Variants in DDX4 observed in about 807,000 individuals in gnomAD.
The protein encoded by DDX4 is probable ATP-dependent RNA helicase DDX4.
Under a neutral mutation model 100.0 loss-of-function variants are expected in DDX4, and 25 were observed. The observed-to-expected ratio is 0.25, with a 90% CI of 0.18 to 0.35. The LOEUF (loss-of-function observed/expected upper bound fraction) is 0.35. Ranked by LOEUF, DDX4 falls within the 10% of genes least tolerant of loss-of-function variation. The pLI is 1.00. For missense variants in DDX4, 635 were observed against 882.4 expected (o/e 0.72, Z 3.55); for synonymous variants, 259 against 275.7 (o/e 0.94, Z 0.60).
chr5:55,755,492 C>T (rs140686734), intron 3 of DDX4, among the ~76,000 whole-genome samples: 28 of 152,162 alleles, frequency 1.8e-4, no homozygotes, highest in Non-Finnish European at 3.2e-4. Flanking sequence ...CTAAGCCTTA[C>T]GTGACTCTTT....
At chr5:55,805,488 A>G (rs327258) in intron 18 of DDX4, among the ~76,000 whole-genome samples, 60,386 of 149,972 alleles carry the variant, frequency 0.4, 13,543 homozygotes, top group African/African-American at 0.59. Flanking sequence ...ATTATTTTGA[A>G]ATACGTCCCA....
intron 7 of DDX4, among the ~76,000 whole-genome samples, chr5:55,773,536 T>G (rs1741375699): frequency 6.6e-6 from 1 of 152,202 alleles, no homozygotes; most frequent in Non-Finnish European, 1.5e-5. Flanking sequence ...GGGTTCTGAT[T>G]TCTCCACATC....
At chr5:55,751,282 G>A (rs1759535019) in intron 3 of DDX4, among the ~76,000 whole-genome samples, 1 of 152,250 alleles carries the variant, frequency 6.6e-6, no homozygotes, top group East Asian at 1.9e-4. Flanking sequence ...TGTCCAGGCT[G>A]GAGTGCAGTG....
chr5:55,743,777 G>T (rs1262473773), intron 2 of DDX4, among the ~76,000 whole-genome samples: 2 of 152,076 alleles, frequency 1.3e-5, no homozygotes, highest in South Asian at 4.1e-4. Context: ...TATTTTTGAT[G>T]TATTTTTTCA....
chr5:55,762,373 A>G (rs997317041), intron 4 of DDX4, among the ~76,000 whole-genome samples: 1 of 152,186 alleles, frequency 6.6e-6, no homozygotes, highest in Non-Finnish European at 1.5e-5. Flanking sequence ...AAGAAATACT[A>G]CTTTAAAAAG....
chr5:55,760,364 A>G, intron 4 of DDX4, 87 bp downstream of exon 4: 1 of 1,362,482 alleles, frequency 7.3e-7, no homozygotes, highest in Admixed American at 3.0e-5. Context: ...TACAAAGCTA[A>G]GTCTGTTGTA....
chr5:55,803,476 T>G (rs1241055107), intron 18 of DDX4, among the ~76,000 whole-genome samples: 1 of 40,508 alleles, frequency 2.5e-5, no homozygotes, highest in Admixed American at 4.0e-4. Flanking sequence ...CCCTCCCCCC[T>G]CCCCCCACCC....
At position 55,816,697 on chromosome 5, in the gene DDX4, A is replaced by T; in HGVS notation, c.*157A>T. On this transcript the variant is annotated 3_prime_UTR_variant, in exon 22 of 22. Coordinates refer to ENST00000505374, the MANE Select transcript of DDX4 (RefSeq NM_024415.3). ...AAAAAAAAATCCTTACTGACTAGTT[A>T]TGTGAGATGCTAAAACTTACAACAT... 2 of 1,280,456 alleles carry T rather than the reference A, an allele frequency of 1.6e-6. No homozygotes were observed. The highest frequency in any genetic ancestry group is 3.7e-5 in the South Asian group (2 of 53,732). The allele number at this position is 1,280,456 out of a possible 1,614,324, so 79.3% of individuals were successfully genotyped here. A position where few individuals can be genotyped will look rare whatever the true frequency, so the allele number is the denominator to read the frequency against.
chr5:55,816,399 T>G, intron 21 of DDX4, 64 bp from the exon 22 acceptor site: 1 of 1,533,400 alleles, frequency 6.5e-7, no homozygotes, highest in Non-Finnish European at 8.8e-7. Flanking sequence ...TGATGTAACT[T>G]TAAAGCTGTC....
intron 6 of DDX4, among the ~76,000 whole-genome samples, chr5:55,764,484 C>T (rs1056312585): frequency 6.6e-6 from 1 of 152,076 alleles, no homozygotes; most frequent in Non-Finnish European, 1.5e-5. Context: ...ATTGAAGGTA[C>T]TGACACTCTA....
intron 6 of DDX4, among the ~76,000 whole-genome samples, 174 bp downstream of exon 6, chr5:55,764,238 A>G (rs1174952779): frequency 2.0e-5 from 3 of 152,188 alleles, no homozygotes; most frequent in Admixed American, 1.3e-4. Flanking sequence ...TACATAAAGA[A>G]TTCAGGCATC....
At chr5:55,786,357 G>C (rs1396879764) in intron 13 of DDX4, among the ~76,000 whole-genome samples, 161 bp from the exon 14 acceptor site, 3 of 152,062 alleles carry the variant, frequency 2.0e-5, no homozygotes, top group Admixed American at 1.3e-4. Flanking sequence ...TAATATACAG[G>C]CTTTGAATAT....
At chr5:55,771,465 ATTC>A (rs1275765316) in intron 7 of DDX4, among the ~76,000 whole-genome samples, 1 of 152,088 alleles carries the variant, frequency 6.6e-6, no homozygotes, top group African/African-American at 2.4e-5. Flanking sequence ...ACTGTTTAGT[ATTC>A]TTTTGTTTTA....
At position 55,776,277 on chromosome 5, in the gene DDX4, G is replaced by A. The variant is rs116142312; in HGVS notation, c.395-3687G>A. ...CTCTAAACTTGGAAATGGAAAACAC[G>A]AGAGTGGTTAATAAATAAGGTATGG... On this transcript the variant is annotated intron_variant, in intron 7 of 21. Coordinates refer to ENST00000505374, the MANE Select transcript of DDX4 (RefSeq NM_024415.3). Among the ~76,000 whole-genome samples the A allele has an allele frequency of 5.0e-3, 756 of 152,222 alleles. 4 individuals are homozygous for A. The highest frequency in any genetic ancestry group is 0.014 in the Middle Eastern group (4 of 294).
chr5:55,789,661 A>G lies in DDX4; in HGVS notation c.1173-915A>G, dbSNP rs577337423. Among the ~76,000 whole-genome samples the G allele has an allele frequency of 9.2e-5, 14 of 152,300 alleles. No individual in the cohort carries two copies. The South Asian group carries it at 2.5e-3, about 27-fold the overall frequency. On this transcript the variant is annotated intron_variant, in intron 15 of 21. Coordinates refer to ENST00000505374, the MANE Select transcript of DDX4 (RefSeq NM_024415.3). ...TATAATTTATTGGAACTAGTGCAAA[A>G]TTGAAAGTGCAGGGTCCTTTGTTGT...
At chr5:55,803,730 TG>T (rs1743491950) in intron 18 of DDX4, among the ~76,000 whole-genome samples, 1 of 152,066 alleles carries the variant, frequency 6.6e-6, no homozygotes, top group Non-Finnish European at 1.5e-5. Context: ...CTATCATTGT[TG>T]GACATTTGGG....
chr5:55,806,674 A>G (rs1255392456), intron 18 of DDX4, among the ~76,000 whole-genome samples: 4 of 152,212 alleles, frequency 2.6e-5, no homozygotes, highest in Non-Finnish European at 5.9e-5. Context: ...GTTTGATTGC[A>G]CTGTGGTCTG....
At chr5:55,792,443 T>C (rs1035512658) in intron 16 of DDX4, among the ~76,000 whole-genome samples, 198 bp from the exon 17 acceptor site, 3 of 151,762 alleles carry the variant, frequency 2.0e-5, no homozygotes, top group African/African-American at 4.8e-5. Flanking sequence ...CACTGCAAGC[T>C]CTGCCTCCCG....
At chr5:55,749,376 G>A (rs1271590793) in intron 3 of DDX4, among the ~76,000 whole-genome samples, 2 of 152,150 alleles carry the variant, frequency 1.3e-5, no homozygotes, top group African/African-American at 4.8e-5. Context: ...AGGTTACAGT[G>A]AGCATTGATC....
Sources: gnomAD v4.1 joint callset for allele counts (sites outside exome capture counted in the v4.1 genomes callset) on GRCh38, gnomAD v4.1.1 for gene constraint, MANE v1.5 for transcripts, NCBI Gene and HGNC (gene_info 2026-07-23, HGNC 2026-07-21) for gene names.